Variants in VPS13A observed in about 807,000 individuals in gnomAD.
VPS13A encodes intermembrane lipid transfer protein VPS13A.
VPS13A carries 264 observed loss-of-function variants against 390.9 expected under a neutral mutation model. The observed-to-expected ratio is 0.68, with a 90% CI of 0.61 to 0.75. VPS13A has a LOEUF of 0.75. VPS13A is among the 30% of genes least tolerant of loss of function. VPS13A has a pLI of 0.00. For missense variants in VPS13A, 3,409 were observed against 3,733.9 expected (o/e 0.91, Z 2.27); for synonymous variants, 1,231 against 1,227.1 (o/e 1.00, Z -0.07).
intron 1 of VPS13A, among the ~76,000 whole-genome samples, chr9:77,192,640 T>C (rs1036940556): frequency 6.6e-6 from 1 of 152,224 alleles, no homozygotes; most frequent in Non-Finnish European, 1.5e-5. Flanking sequence ...TTGGAATTTC[T>C]TTTCTTTAAG....
rs1402485671 is a variant in VPS13A, at chr9:77,310,684, G to A, written c.4114+2586G>A. 3.9e-5 allele frequency among the ~76,000 whole-genome samples: 6 copies of A among 152,124 alleles called. No homozygotes were observed. The South Asian group carries it at 6.2e-4, about 16-fold the overall frequency. ...TTCTTATGTAAATAAAAAAGTAAAT[G>A]TTATGAACTATGATAACTTAGAAGT... On this transcript the variant is annotated intron_variant, in intron 35 of 71. Coordinates refer to ENST00000360280, the MANE Select transcript of VPS13A (RefSeq NM_033305.3).
intron 67 of VPS13A, among the ~76,000 whole-genome samples, chr9:77,380,192 T>C (rs1170583213): frequency 6.6e-6 from 1 of 152,228 alleles, no homozygotes; most frequent in Non-Finnish European, 1.5e-5. Flanking sequence ...CTGTTCACTT[T>C]GCATATATTT....
intron 67 of VPS13A, among the ~76,000 whole-genome samples, chr9:77,380,537 C>T (rs1833371677): frequency 6.6e-6 from 1 of 152,162 alleles, no homozygotes; most frequent in African/African-American, 2.4e-5. Flanking sequence ...ATCTCGAACT[C>T]CTGACCTCAT....
At chr9:77,276,881 A>T (rs1426514848) in intron 26 of VPS13A, among the ~76,000 whole-genome samples, 2 of 152,120 alleles carry the variant, frequency 1.3e-5, no homozygotes, top group Non-Finnish European at 2.9e-5. Context: ...GATTGGACAC[A>T]CCTCTATAAT....
In VPS13A at chr9:77,262,636, A is replaced by G. The variant is rs376272608; in HGVS notation, c.2427+2412A>G. Reference sequence around the variant, plus strand: ...GTGTGATGTTCCCCTCCCTGTGTTCATGTGTTCTCCTTGTTCAACTCCCAC... The same window carrying G: ...GTGTGATGTTCCCCTCCCTGTGTTCGTGTGTTCTCCTTGTTCAACTCCCAC... On this transcript the variant is annotated intron_variant, in intron 23 of 71. Transcript: ENST00000360280. 6.6e-5 allele frequency among the ~76,000 whole-genome samples: 10 copies of G among 150,714 alleles called. No homozygotes were observed. The South Asian group carries it at 2.1e-3, about 32-fold the overall frequency.
At chr9:77,255,212 T>A (rs1374254388) in intron 22 of VPS13A, among the ~76,000 whole-genome samples, 1 of 152,116 alleles carries the variant, frequency 6.6e-6, no homozygotes, top group Non-Finnish European at 1.5e-5. Flanking sequence ...CGTGTTGAAT[T>A]TTTTCAAATC....
chr9:77,189,932 T>C (rs1429717744), intron 1 of VPS13A, among the ~76,000 whole-genome samples: 2 of 152,224 alleles, frequency 1.3e-5, no homozygotes, highest in Non-Finnish European at 2.9e-5. Flanking sequence ...GAAATACTAC[T>C]GATTTTTGTA....
chr9:77,366,432 T>C (rs1832434695), intron 60 of VPS13A, among the ~76,000 whole-genome samples: 1 of 152,160 alleles, frequency 6.6e-6, no homozygotes, highest in Non-Finnish European at 1.5e-5. Flanking sequence ...CTTCAACTTT[T>C]AGATTTTTAA....
intron 61 of VPS13A, among the ~76,000 whole-genome samples, chr9:77,367,672 G>C (rs764929947): frequency 4.6e-5 from 7 of 152,178 alleles, no homozygotes; most frequent in Non-Finnish European, 7.3e-5. Context: ...AGCTGAACCT[G>C]GCCATTCGTG....
intron 71 of VPS13A, among the ~76,000 whole-genome samples, chr9:77,411,446 G>A (rs541443974): frequency 6.6e-6 from 1 of 151,842 alleles, no homozygotes; most frequent in African/African-American, 2.4e-5. Context: ...GGCGGATCAC[G>A]AGGTCAGGAG....
At chr9:77,268,308 G>T (rs763476510) in intron 23 of VPS13A, among the ~76,000 whole-genome samples, 1 of 152,158 alleles carries the variant, frequency 6.6e-6, no homozygotes, top group Non-Finnish European at 1.5e-5. Context: ...CTGGTCTGCC[G>T]GTTGCGAAGA....
chr9:77,187,388 A>C (rs772096621), intron 1 of VPS13A, among the ~76,000 whole-genome samples: 2 of 152,136 alleles, frequency 1.3e-5, no homozygotes, highest in Admixed American at 6.5e-5. Flanking sequence ...ATCCTCACCA[A>C]CATTTATTTT....
chr9:77,398,109 G>A (rs1834192764), intron 68 of VPS13A, among the ~76,000 whole-genome samples: 1 of 152,082 alleles, frequency 6.6e-6, no homozygotes, highest in South Asian at 2.1e-4. Context: ...TTTATACCTA[G>A]CATCTGTTTG....
In VPS13A at chr9:77,321,217, G is replaced by T. The variant is rs1829725058; in HGVS notation, c.5464G>T (p.Glu1822Ter). 6.2e-7 allele frequency: 1 copy of T among 1,612,478 alleles called. No individual in the cohort carries two copies. Among genetic ancestry groups the T allele is most frequent in the Admixed American group, 1.7e-5 (1 of 59,816 alleles). Residue 1822 changes from glutamate to a stop codon, truncating the protein, a stop_gained, in exon 43 of 72, where the codon GAA becomes TAA. Transcript: ENST00000360280. LOFTEE classifies it high-confidence loss of function. ...CATTGTTGAGTCAGATCCTGAAGAAGAAAACTACAAAGTGCCAGAATATAA... is the reference window on the plus strand; with the variant it reads ...CATTGTTGAGTCAGATCCTGAAGAATAAAACTACAAAGTGCCAGAATATAA... ...MAIVESDPEE[E>*]NYKVPEYKTV... is the part of the protein sequence containing the mutation.
At chr9:77,286,908 A>G (rs927567891) in intron 31 of VPS13A, among the ~76,000 whole-genome samples, 16 of 152,034 alleles carry the variant, frequency 1.1e-4, no homozygotes, top group Admixed American at 7.9e-4. Flanking sequence ...TAAAATAACC[A>G]CTTTTTAACA....
Position 77,415,846 on chromosome 9 carries a change from A to C in VPS13A, c.9475-110A>C. On this transcript the variant is annotated intron_variant, in intron 71 of 71. Transcript: ENST00000360280. Reference sequence around the variant, plus strand: ...TGAATTTTATGTATTGGCTGTCAGTATTACACCTAACTAAACTATAAAGCT... The same window carrying C: ...TGAATTTTATGTATTGGCTGTCAGTCTTACACCTAACTAAACTATAAAGCT... The C allele has an allele frequency of 2.3e-6, 3 of 1,282,210 alleles. No individual in the cohort carries two copies. In the South Asian group the frequency reaches 3.7e-5, roughly 16 times the overall value. 79.4% of individuals were successfully genotyped at this position (1,282,210 alleles called of 1,614,324 possible).
chr9:77,346,180 A>G (rs1315261627), intron 52 of VPS13A, among the ~76,000 whole-genome samples: 2 of 150,662 alleles, frequency 1.3e-5, no homozygotes, highest in Non-Finnish European at 3.0e-5. Context: ...GTTAACATCT[A>G]TTTTTTTTTA....
chr9:77,355,607 A>C (rs961470646), intron 54 of VPS13A, among the ~76,000 whole-genome samples: 1 of 152,228 alleles, frequency 6.6e-6, no homozygotes, highest in East Asian at 1.9e-4. Context: ...CTCTATTCAG[A>C]TATCTAAGAG....
chr9:77,357,606 G>C (rs1438163551), intron 55 of VPS13A, 86 bp from the exon 56 acceptor site: 1 of 1,380,070 alleles, frequency 7.2e-7, no homozygotes, highest in Non-Finnish European at 1.0e-6. Flanking sequence ...GTAGCTTACT[G>C]TTTTAAAAAG....
Sources: gnomAD v4.1 joint callset for allele counts (sites outside exome capture counted in the v4.1 genomes callset) on GRCh38, gnomAD v4.1.1 for gene constraint, MANE v1.5 for transcripts, NCBI Gene and HGNC (gene_info 2026-07-23, HGNC 2026-07-21) for gene names.